The following TTC34 variants were observed in gnomAD, a reference collection of about 807,000 sequenced individuals.
TTC34 encodes tetratricopeptide repeat domain 34.
A neutral mutation model predicts 40.7 loss-of-function variants in TTC34; 44 were observed. The ratio of observed to expected loss-of-function variants is 1.08; its 90% CI spans 0.85 to 1.39. The LOEUF is 1.39. Among genes scored for constraint, TTC34 ranks in the 40% most tolerant of loss-of-function variants. The probability of loss-of-function intolerance (pLI) is 0.00; values close to 1 mark genes in which losing one functional copy is unlikely to be tolerated. For synonymous variants in TTC34, 422 were observed against 398.6 expected, an observed-to-expected ratio of 1.06 and a Z score of -0.70; for missense variants, 884 against 838.0, an observed-to-expected ratio of 1.05 and a Z score of -0.68.
chr1:2,783,228 C>T (rs150825898), intron 6 of TTC34, among the ~76,000 whole-genome samples: 1 of 152,184 alleles, frequency 6.6e-6, no homozygotes, highest in Admixed American at 6.5e-5. Flanking sequence ...GTCCTCTAAA[C>T]CCCTCTCAAC....
chr1:2,687,510 T>G (rs61765680), intron 6 of TTC34, among the ~76,000 whole-genome samples: 289 of 61,516 alleles, frequency 4.7e-3, no homozygotes, highest in East Asian at 0.012. Context: ...CTGACATCCT[T>G]GAGCAGCACC....
At chr1:2,768,000 G>C (rs79031158) in intron 6 of TTC34, among the ~76,000 whole-genome samples, 11 of 149,758 alleles carry the variant, frequency 7.3e-5, no homozygotes, top group Admixed American at 6.0e-4. Context: ...GGAACAGCAC[G>C]TCCCCTCAGG....
At chr1:2,753,714 C>CGTG (rs1641405685) in intron 6 of TTC34, among the ~76,000 whole-genome samples, 1 of 17,336 alleles carries the variant, frequency 5.8e-5, no homozygotes, top group Non-Finnish European at 9.2e-5. Flanking sequence ...GTGAGCATCC[C>CGTG]ACAGCCTGGA....
At chr1:2,772,908 G>A (rs1281300302) in intron 6 of TTC34, among the ~76,000 whole-genome samples, 1 of 114,054 alleles carries the variant, frequency 8.8e-6, no homozygotes, top group Non-Finnish European at 1.8e-5. Context: ...CCCCAGGTGA[G>A]CATTCGACAG....
chr1:2,694,265 CA>C (rs1439270694), intron 6 of TTC34, among the ~76,000 whole-genome samples: 1 of 77,816 alleles, frequency 1.3e-5, no homozygotes, highest in Non-Finnish European at 2.7e-5. Context: ...AGCAGCACCC[CA>C]CACCCCCAGG....
chr1:2,654,018 G>A (rs1405033787), intron 6 of TTC34, among the ~76,000 whole-genome samples: 1 of 151,978 alleles, frequency 6.6e-6, no homozygotes, highest in Admixed American at 6.5e-5. Context: ...ACCCCCAGGC[G>A]AGCATCTGAC....
intron 6 of TTC34, among the ~76,000 whole-genome samples, chr1:2,752,854 C>T (rs1641369991): frequency 6.7e-6 from 1 of 149,330 alleles, no homozygotes; most frequent in Non-Finnish European, 1.5e-5. Context: ...AGCACCCACA[C>T]ACCCAGGCGA....
intron 6 of TTC34, among the ~76,000 whole-genome samples, chr1:2,752,958 T>G (rs1315494405): frequency 0.074 from 4,620 of 62,232 alleles, 3 homozygotes; most frequent in African/African-American, 0.1. Context: ...TCCGATAGCC[T>G]GGAGCAACAC....
rs201446110 is a variant in TTC34, at chr1:2,681,085, C to G, written c.2227-35522G>C. Among the ~76,000 whole-genome samples, 86 of 77,160 alleles carry G rather than the reference C, an allele frequency of 1.1e-3. 16 individuals carry two copies. In the East Asian group the frequency reaches 0.024, roughly 21 times the overall value. The allele number at this position is 77,160 out of a possible 152,430, so 50.6% of individuals were successfully genotyped here. ...ACACACCCAGGCGAGCATCTGACAGCCTAGAGCAGTGCCCACACCCCCAGG... is the reference window on the plus strand; with the variant it reads ...ACACACCCAGGCGAGCATCTGACAGGCTAGAGCAGTGCCCACACCCCCAGG... On this transcript the variant is annotated intron_variant, in intron 6 of 8. Coordinates refer to ENST00000401095, the Ensembl canonical transcript of TTC34.
intron 6 of TTC34, among the ~76,000 whole-genome samples, chr1:2,687,409 C>T (rs1640413776): frequency 2.0e-5 from 3 of 149,172 alleles, no homozygotes; most frequent in South Asian, 4.2e-4. Flanking sequence ...CCCACACCCC[C>T]AGGTGAGCAT....
At chr1:2,755,643 G>A (rs1641479071) in intron 6 of TTC34, among the ~76,000 whole-genome samples, 1 of 121,458 alleles carries the variant, frequency 8.2e-6, no homozygotes, top group Non-Finnish European at 1.6e-5. Flanking sequence ...GCATCTGATG[G>A]TCTGGAGCAG....
chr1:2,788,962 C>T (rs980293148), intron 3 of TTC34, among the ~76,000 whole-genome samples: 2 of 152,144 alleles, frequency 1.3e-5, no homozygotes, highest in African/African-American at 4.8e-5. Context: ...GTGGTGATCC[C>T]AGCTACTTGG....
At position 2,691,072 on chromosome 1, in the gene TTC34, C is replaced by A. The variant is rs1005813226; in HGVS notation, c.2227-45509G>T. Among the ~76,000 whole-genome samples, 4 of 82,266 alleles carry A rather than the reference C, an allele frequency of 4.9e-5. 1 individual carries two copies. The highest frequency in any genetic ancestry group is 2.8e-4 in the East Asian group (1 of 3,516). The allele number at this position is 82,266 out of a possible 152,430, so 54.0% of individuals were successfully genotyped here. A position where few individuals can be genotyped will look rare whatever the true frequency, so the allele number is the denominator to read the frequency against. ...GTCAGCACCCACAAACCCAGGTGAGCATCTGATGCTTTGGAGCAGCACCCA... is the reference window on the plus strand; with the variant it reads ...GTCAGCACCCACAAACCCAGGTGAGAATCTGATGCTTTGGAGCAGCACCCA... On this transcript the variant is annotated intron_variant, in intron 6 of 8. Coordinates refer to ENST00000401095, the Ensembl canonical transcript of TTC34.
intron 6 of TTC34, among the ~76,000 whole-genome samples, chr1:2,683,446 T>G (rs1640171621): frequency 6.7e-6 from 1 of 148,578 alleles, no homozygotes. Flanking sequence ...CAGGTGAGCA[T>G]CCGACAGCCT....
intron 6 of TTC34, among the ~76,000 whole-genome samples, chr1:2,749,016 C>A (rs1641233100): frequency 1.9e-5 from 1 of 51,690 alleles, no homozygotes; most frequent in Non-Finnish European, 4.3e-5. Flanking sequence ...AGGTGAGCAT[C>A]TGACAGCCTG....
At chr1:2,694,986 C>G (rs1640793592) in intron 6 of TTC34, among the ~76,000 whole-genome samples, 4 of 151,384 alleles carry the variant, frequency 2.6e-5, no homozygotes, top group Middle Eastern at 3.5e-3. Flanking sequence ...GGAGCAGCAC[C>G]CTGCACCCCC....
intron 6 of TTC34, among the ~76,000 whole-genome samples, chr1:2,692,000 T>G (rs1223686746): frequency 1.6e-5 from 1 of 64,316 alleles, no homozygotes; most frequent in African/African-American, 5.5e-5. Context: ...GGCGAGCATC[T>G]GACAGCATGT....
At chr1:2,749,480 A>T (rs1641247199) in intron 6 of TTC34, among the ~76,000 whole-genome samples, 1 of 103,366 alleles carries the variant, frequency 9.7e-6, no homozygotes. Flanking sequence ...AACAGCACCC[A>T]CATCCCCAGG....
At chr1:2,688,431 C>G (rs1215908655) in intron 6 of TTC34, among the ~76,000 whole-genome samples, 7 of 130,668 alleles carry the variant, frequency 5.4e-5, no homozygotes, top group Non-Finnish European at 8.0e-5. Context: ...CATCCGACAG[C>G]CTGGAGCAGG....
Sources: gnomAD v4.1 joint callset for allele counts (sites outside exome capture counted in the v4.1 genomes callset) on GRCh38, gnomAD v4.1.1 for gene constraint, MANE v1.5 for transcripts, NCBI Gene and HGNC (gene_info 2026-07-23, HGNC 2026-07-21) for gene names.